SDK1: variants seen among roughly 807,000 people sequenced by gnomAD.
SDK1 encodes protein sidekick-1.
Under a neutral mutation model 245.5 loss-of-function variants are expected in SDK1, and 157 were observed. The observed-to-expected ratio is 0.64, with a 90% CI of 0.56 to 0.73. The LOEUF is 0.73. SDK1 is among the 30% of genes least tolerant of loss of function. The pLI, the probability that SDK1 is intolerant of heterozygous loss-of-function variation, is 0.00. For missense variants in SDK1, 3,583 were observed against 3,002.3 expected (o/e 1.19, Z -4.52); for synonymous variants, 1,647 against 1,278.5 (o/e 1.29, Z -6.15).
At chr7:3,395,149 G>A (rs1781862550) in intron 1 of SDK1, among the ~76,000 whole-genome samples, 1 of 151,818 alleles carries the variant, frequency 6.6e-6, no homozygotes, top group African/African-American at 2.4e-5. Flanking sequence ...CATGTTACCA[G>A]GTTCTATTCT....
chr7:4,009,134 G>C (rs1329836039), intron 14 of SDK1, among the ~76,000 whole-genome samples: 1 of 152,102 alleles, frequency 6.6e-6, no homozygotes, highest in Non-Finnish European at 1.5e-5. Flanking sequence ...ATATCATTGT[G>C]GTTCTGTTTT....
chr7:4,039,780 G>A (rs6462545), intron 17 of SDK1, among the ~76,000 whole-genome samples: 46,517 of 151,996 alleles, frequency 0.31, 10,935 homozygotes, highest in African/African-American at 0.66. Flanking sequence ...GATTCCATCA[G>A]TAATCAGATC....
intron 4 of SDK1, among the ~76,000 whole-genome samples, chr7:3,717,959 TAA>T (rs78072470): frequency 7.0e-6 from 1 of 142,688 alleles, no homozygotes; most frequent in Admixed American, 7.0e-5. Context: ...AGACAGCATT[TAA>T]AAAAAAAAAA....
intron 1 of SDK1, among the ~76,000 whole-genome samples, chr7:3,414,243 G>A (rs750960525): frequency 6.6e-6 from 1 of 152,130 alleles, no homozygotes; most frequent in African/African-American, 2.4e-5. Flanking sequence ...GTGCGGAGGA[G>A]GAGGAGAAAT....
chr7:3,723,587 G>A (rs999473916), intron 4 of SDK1, among the ~76,000 whole-genome samples: 1 of 151,992 alleles, frequency 6.6e-6, no homozygotes, highest in African/African-American at 2.4e-5. Context: ...TGAAATTAAA[G>A]TATATGTTGT....
chr7:3,564,807 C>A (rs866383617), intron 1 of SDK1, among the ~76,000 whole-genome samples: 1 of 151,892 alleles, frequency 6.6e-6, no homozygotes, highest in Non-Finnish European at 1.5e-5. Context: ...ATGAACTAAT[C>A]CAGAAAACAG....
intron 21 of SDK1, 80 bp from the exon 22 acceptor site, chr7:4,079,383 T>G: frequency 6.5e-7 from 1 of 1,534,658 alleles, no homozygotes; most frequent in Non-Finnish European, 8.9e-7. Context: ...CTGTTTACTT[T>G]TGAAGCTGAC....
intron 1 of SDK1, among the ~76,000 whole-genome samples, chr7:3,496,515 C>T (rs796718966): frequency 2.6e-5 from 4 of 151,262 alleles, no homozygotes; most frequent in Admixed American, 1.3e-4. Flanking sequence ...TTATTTTGCT[C>T]CCTAATTATA....
At chr7:3,839,124 G>A (rs374257941) in intron 5 of SDK1, among the ~76,000 whole-genome samples, 1 of 152,088 alleles carries the variant, frequency 6.6e-6, no homozygotes, top group African/African-American at 2.4e-5. Context: ...GGATGGATCC[G>A]CCTGAGAACA....
At chr7:3,975,865 G>C (rs547508262) in intron 13 of SDK1, among the ~76,000 whole-genome samples, 9 of 152,294 alleles carry the variant, frequency 5.9e-5, no homozygotes, top group Admixed American at 5.9e-4. Flanking sequence ...GCCGGCGGCA[G>C]TGGTGCGGGG....
rs369677671 is a variant in SDK1, at chr7:3,641,941, C to T, written c.566-17C>T. 12 of 1,605,692 alleles carry T rather than the reference C, an allele frequency of 7.5e-6. No homozygotes were observed. In the African/African-American group the frequency reaches 1.2e-4, roughly 16 times the overall value. On this transcript the variant is annotated splice_polypyrimidine_tract_variant and intron_variant, in intron 3 of 44. Coordinates refer to ENST00000404826, the MANE Select transcript of SDK1 (RefSeq NM_152744.4). ...AAATGTTTTCTAGAACTTGAAAGCA[C>T]TTCTTTTTCTCTGCAGATATGGGAA...
At chr7:3,355,228 T>C (rs1036504569) in intron 1 of SDK1, among the ~76,000 whole-genome samples, 1 of 152,252 alleles carries the variant, frequency 6.6e-6, no homozygotes, top group African/African-American at 2.4e-5. Context: ...TCTTAAAATA[T>C]AAATGCGTCA....
chr7:3,438,849 A>ATTTTT (rs527596036), intron 1 of SDK1, among the ~76,000 whole-genome samples: 30 of 131,190 alleles, frequency 2.3e-4, no homozygotes, highest in African/African-American at 9.4e-4. Context: ...TTGTATTAAT[A>ATTTTT]TTTTTTTTTT....
At chr7:3,783,693 A>T (rs1562440602) in intron 4 of SDK1, among the ~76,000 whole-genome samples, 2 of 152,202 alleles carry the variant, frequency 1.3e-5, no homozygotes, top group African/African-American at 2.4e-5. Flanking sequence ...GAAAATGTTG[A>T]TAAAAAAGTT....
intron 1 of SDK1, among the ~76,000 whole-genome samples, chr7:3,376,804 A>C (rs1781367192): frequency 6.6e-6 from 1 of 152,144 alleles, no homozygotes; most frequent in Non-Finnish European, 1.5e-5. Flanking sequence ...CTGTTAAAAA[A>C]AAATCCCGAA....
intron 1 of SDK1, among the ~76,000 whole-genome samples, chr7:3,562,585 C>T (rs1779781774): frequency 6.6e-6 from 1 of 152,204 alleles, no homozygotes; most frequent in South Asian, 2.1e-4. Flanking sequence ...GTGGACGAGG[C>T]AGCCATAGGT....
chr7:3,388,360 C>T (rs1340740367), intron 1 of SDK1, among the ~76,000 whole-genome samples: 1 of 150,448 alleles, frequency 6.6e-6, no homozygotes, highest in African/African-American at 2.4e-5. Flanking sequence ...AAAAAAATCT[C>T]ATCTGTCAAA....
At chr7:4,060,397 C>T (rs1366108562) in intron 19 of SDK1, among the ~76,000 whole-genome samples, 1 of 152,200 alleles carries the variant, frequency 6.6e-6, no homozygotes, top group African/African-American at 2.4e-5. Context: ...GAAACAAAGA[C>T]TTAAAAACAA....
At chr7:3,386,965 G>T (rs975102446) in intron 1 of SDK1, among the ~76,000 whole-genome samples, 2 of 152,190 alleles carry the variant, frequency 1.3e-5, no homozygotes, top group Non-Finnish European at 2.9e-5. Flanking sequence ...CATGAATTCA[G>T]GCATTCTAAC....
Sources: allele counts gnomAD v4.1 joint callset (sites outside exome capture counted in the v4.1 genomes callset), GRCh38; gene constraint gnomAD v4.1.1; transcripts MANE v1.5; gene names NCBI Gene and HGNC (gene_info 2026-07-23, HGNC 2026-07-21).